The following GALNT13 variants were observed in gnomAD, a reference collection of about 807,000 sequenced individuals.
GALNT13 encodes polypeptide N-acetylgalactosaminyltransferase 13.
Under a neutral mutation model 64.2 loss-of-function variants are expected in GALNT13, and 28 were observed. The ratio of observed to expected loss-of-function variants is 0.44; its 90% CI spans 0.32 to 0.60. GALNT13 has a LOEUF of 0.60. Among genes scored for constraint, GALNT13 ranks in the 20% least tolerant of loss-of-function variants. GALNT13 has a pLI of 0.05. For synonymous variants in GALNT13, 214 were observed against 224.6 expected (o/e 0.95, Z 0.42); for missense variants, 577 against 669.8 (o/e 0.86, Z 1.53).
chr2:153,587,144 G>T, the GALNT13 span, among the ~76,000 whole-genome samples: 1 of 150,876 alleles, frequency 6.6e-6, no homozygotes, highest in Non-Finnish European at 1.5e-5. Flanking sequence ...CTAGACACAA[G>T]AGTCGCATGA....
chr2:153,351,126 A>C, the GALNT13 span, among the ~76,000 whole-genome samples: 2 of 152,216 alleles, frequency 1.3e-5, no homozygotes, highest in South Asian at 4.1e-4. Context: ...GAGGAAATAG[A>C]AAACATTCTG....
At chr2:153,846,027 T>G in the GALNT13 span, among the ~76,000 whole-genome samples, 1 of 152,282 alleles carries the variant, frequency 6.6e-6, no homozygotes, top group South Asian at 2.1e-4. Context: ...TAATGTGAAG[T>G]CTTTTCCAGA....
chr2:154,340,144 G>A (rs1304957838), intron 9 of GALNT13, among the ~76,000 whole-genome samples: 1 of 152,090 alleles, frequency 6.6e-6, no homozygotes, highest in East Asian at 1.9e-4. Context: ...TCCATTGGCT[G>A]TGCAGATCTC....
chr2:153,314,293 C>T, the GALNT13 span, among the ~76,000 whole-genome samples: 5 of 151,996 alleles, frequency 3.3e-5, no homozygotes, highest in African/African-American at 1.2e-4. Flanking sequence ...ACCTATAGAA[C>T]ACAATCAAAC....
the GALNT13 span, among the ~76,000 whole-genome samples, chr2:153,196,668 G>C: frequency 6.6e-6 from 1 of 151,894 alleles, no homozygotes; most frequent in East Asian, 1.9e-4. Context: ...GGGGCTCCAG[G>C]TTCTCACTGG....
the GALNT13 span, among the ~76,000 whole-genome samples, chr2:153,183,491 A>AT: frequency 6.6e-6 from 1 of 151,962 alleles, no homozygotes; most frequent in Non-Finnish European, 1.5e-5. Context: ...TCATTTGTCA[A>AT]TTTTTGCTTT....
chr2:153,609,728 C>T, the GALNT13 span, among the ~76,000 whole-genome samples: 1 of 152,154 alleles, frequency 6.6e-6, no homozygotes, highest in Non-Finnish European at 1.5e-5. Context: ...CTTATTTGAT[C>T]TCAAATAAAA....
the GALNT13 span, among the ~76,000 whole-genome samples, chr2:153,596,557 T>C: frequency 6.6e-6 from 1 of 152,112 alleles, no homozygotes; most frequent in Non-Finnish European, 1.5e-5. Context: ...ATATTTTCCT[T>C]AGATAGGAAA....
At position 154,340,192 on chromosome 2, in the gene GALNT13, C is replaced by T. The variant is rs142882179; in HGVS notation, c.1156+38603C>T. Among the ~76,000 whole-genome samples the T allele has an allele frequency of 9.6e-3, 1,460 of 152,110 alleles. 23 individuals carry two copies. Among genetic ancestry groups the T allele is most frequent in the African/African-American group, 0.033 (1,375 of 41,522 alleles). On this transcript the variant is annotated intron_variant, in intron 9 of 12. Coordinates refer to ENST00000392825, the MANE Select transcript of GALNT13 (RefSeq NM_052917.4). Reference sequence around the variant, plus strand: ...TCTCTAACTTGGTCAAAATATGTTTCCCTCATTCTTTATGTTCTACTTGCA... The same window carrying T: ...TCTCTAACTTGGTCAAAATATGTTTTCCTCATTCTTTATGTTCTACTTGCA...
chr2:154,105,474 A>G (rs1395177182), intron 3 of GALNT13, among the ~76,000 whole-genome samples: 1 of 152,188 alleles, frequency 6.6e-6, no homozygotes, highest in African/African-American at 2.4e-5. Flanking sequence ...ACATGCTTGT[A>G]GTAAAGTACA....
At chr2:153,559,706 T>G in the GALNT13 span, among the ~76,000 whole-genome samples, 1 of 152,092 alleles carries the variant, frequency 6.6e-6, no homozygotes, top group Non-Finnish European at 1.5e-5. Flanking sequence ...GTTTAAAGTT[T>G]ATTGGTTATT....
intron 4 of GALNT13, among the ~76,000 whole-genome samples, chr2:154,160,249 A>T (rs1434773233): frequency 6.6e-6 from 1 of 152,090 alleles, no homozygotes; most frequent in South Asian, 2.1e-4. Context: ...TTTTTGTGAG[A>T]AGCATTTTGG....
chr2:153,521,707 C>T, the GALNT13 span, among the ~76,000 whole-genome samples: 5 of 152,170 alleles, frequency 3.3e-5, no homozygotes, highest in East Asian at 9.6e-4. Flanking sequence ...GTTCCTCTCT[C>T]CCTCTACTCC....
chr2:154,048,617 C>G (rs977705547), intron 3 of GALNT13, among the ~76,000 whole-genome samples: 1 of 151,940 alleles, frequency 6.6e-6, no homozygotes, highest in South Asian at 2.1e-4. Context: ...ATGTCTAATT[C>G]TCTAAATTAG....
the GALNT13 span, among the ~76,000 whole-genome samples, chr2:153,832,357 T>C: frequency 6.6e-6 from 1 of 152,174 alleles, no homozygotes; most frequent in African/African-American, 2.4e-5. Flanking sequence ...TTCATTATTT[T>C]AGTATGAGAG....
chr2:153,201,973 CTTTTTTTTTTTTTT>C, the GALNT13 span, among the ~76,000 whole-genome samples: 1 of 108,900 alleles, frequency 9.2e-6, no homozygotes, highest in Non-Finnish European at 1.8e-5. Flanking sequence ...CCACCCATTT[CTTTTTTTTTTTTTT>C]TTTTTTTTGA....
chr2:153,529,500 C>A, the GALNT13 span, among the ~76,000 whole-genome samples: 1 of 151,878 alleles, frequency 6.6e-6, no homozygotes, highest in Admixed American at 6.6e-5. Flanking sequence ...GTAACTAATA[C>A]CAATCCTACT....
chr2:153,976,407 C>G (rs554226353), intron 3 of GALNT13, among the ~76,000 whole-genome samples: 1 of 152,058 alleles, frequency 6.6e-6, no homozygotes, highest in African/African-American at 2.4e-5. Flanking sequence ...TCAATTTTAT[C>G]TTTGTAAAGC....
chr2:153,503,129 G>A, the GALNT13 span, among the ~76,000 whole-genome samples: 2 of 152,088 alleles, frequency 1.3e-5, no homozygotes, highest in South Asian at 4.1e-4. Context: ...TTGCTTTGGG[G>A]TTCTTGGTCA....
Sources: allele counts gnomAD v4.1 joint callset (sites outside exome capture counted in the v4.1 genomes callset), GRCh38; gene constraint gnomAD v4.1.1; transcripts MANE v1.5; gene names NCBI Gene and HGNC (gene_info 2026-07-23, HGNC 2026-07-21).